CRPPA: variants seen among roughly 807,000 people sequenced by gnomAD.
CRPPA encodes the protein D-ribitol-5-phosphate cytidylyltransferase.
Under a neutral mutation model 52.0 loss-of-function variants are expected in CRPPA, and 43 were observed. That is an observed-to-expected ratio of 0.83 (90% CI 0.65 to 1.07). CRPPA has a LOEUF of 1.07. Ranked by LOEUF, CRPPA falls within the 50% of genes least tolerant of loss-of-function variation. The probability of loss-of-function intolerance (pLI) is 0.00; values close to 1 mark genes in which losing one functional copy is unlikely to be tolerated. For missense variants in CRPPA, 629 were observed against 551.7 expected, an observed-to-expected ratio of 1.14 and a Z score of -1.40; for synonymous variants, 250 against 203.5, an observed-to-expected ratio of 1.23 and a Z score of -1.94.
At chr7:16,144,398 G>A (rs1378519238) in intron 9 of CRPPA, among the ~76,000 whole-genome samples, 1 of 152,214 alleles carries the variant, frequency 6.6e-6, no homozygotes, top group Non-Finnish European at 1.5e-5. Flanking sequence ...GGAGCTGGGA[G>A]AAGTCATATG....
intron 3 of CRPPA, among the ~76,000 whole-genome samples, chr7:16,345,775 G>C (rs937383007): frequency 5.3e-5 from 8 of 152,068 alleles, no homozygotes; most frequent in African/African-American, 1.7e-4. Context: ...TTTTGAAGAG[G>C]TACAATTATC....
chr7:16,407,048 T>C (rs950186959), intron 1 of CRPPA, among the ~76,000 whole-genome samples: 1 of 152,214 alleles, frequency 6.6e-6, no homozygotes, highest in Non-Finnish European at 1.5e-5. Context: ...CCATCTCAGT[T>C]CACTGCAACC....
intron 9 of CRPPA, among the ~76,000 whole-genome samples, chr7:16,194,771 T>C (rs554589822): frequency 6.6e-6 from 1 of 151,968 alleles, no homozygotes; most frequent in South Asian, 2.1e-4. Context: ...GTAGGATCTA[T>C]ATTAATACTC....
At chr7:16,345,791 A>G (rs1241495105) in intron 3 of CRPPA, among the ~76,000 whole-genome samples, 1 of 152,238 alleles carries the variant, frequency 6.6e-6, no homozygotes, top group Admixed American at 6.5e-5. Flanking sequence ...TTATCTTTTT[A>G]TACATGGAAA....
At chr7:16,160,920 A>G (rs557880044) in intron 9 of CRPPA, among the ~76,000 whole-genome samples, 13 of 152,254 alleles carry the variant, frequency 8.5e-5, no homozygotes, top group African/African-American at 2.9e-4. Flanking sequence ...TTCTCTTTGC[A>G]GCAATTGTGA....
At chr7:16,249,388 G>A (rs1446204028) in intron 8 of CRPPA, among the ~76,000 whole-genome samples, 2 of 152,170 alleles carry the variant, frequency 1.3e-5, no homozygotes, top group Non-Finnish European at 2.9e-5. Flanking sequence ...ATAATGGACC[G>A]ACTGCCTGCT....
At chr7:16,387,044 GATATATATATATATATATATATATAT>G (rs57024916) in intron 2 of CRPPA, among the ~76,000 whole-genome samples, 10 of 96,020 alleles carry the variant, frequency 1.0e-4, no homozygotes, top group South Asian at 3.5e-4. Flanking sequence ...ATAAAAAAAA[GATATATATATATATATATATATATAT>G]ATATATATAT....
chr7:16,111,792 T>C (rs939953963), intron 9 of CRPPA, among the ~76,000 whole-genome samples: 3 of 152,272 alleles, frequency 2.0e-5, no homozygotes, highest in Non-Finnish European at 1.5e-5. Flanking sequence ...ACACAAGGTA[T>C]AGAAATCTCA....
At chr7:16,129,447 C>T (rs1254592449) in intron 9 of CRPPA, among the ~76,000 whole-genome samples, 2 of 152,018 alleles carry the variant, frequency 1.3e-5, no homozygotes, top group African/African-American at 2.4e-5. Flanking sequence ...TGATCTCCTG[C>T]GTTGGTCAAA....
intron 9 of CRPPA, among the ~76,000 whole-genome samples, chr7:16,101,106 A>T (rs1782034768): frequency 6.6e-6 from 1 of 152,128 alleles, no homozygotes; most frequent in Non-Finnish European, 1.5e-5. Context: ...TATTGGCCTG[A>T]GACACAACTT....
chr7:16,310,967 A>C (rs1312688875), intron 3 of CRPPA, among the ~76,000 whole-genome samples: 1 of 152,176 alleles, frequency 6.6e-6, no homozygotes, highest in Admixed American at 6.5e-5. Context: ...ACTTTTCCTC[A>C]CATTCAAAGT....
At chr7:16,217,092 C>G (rs1404505936) in intron 8 of CRPPA, among the ~76,000 whole-genome samples, 1 of 150,330 alleles carries the variant, frequency 6.7e-6, no homozygotes, top group African/African-American at 2.4e-5. Context: ...AGCTGGAGAT[C>G]TGAGAACGGG....
intron 4 of CRPPA, among the ~76,000 whole-genome samples, chr7:16,303,487 A>AAAC (rs1784835966): frequency 7.0e-6 from 1 of 142,928 alleles, no homozygotes; most frequent in African/African-American, 2.8e-5. Context: ...TAAAAAAAAA[A>AAAC]AAAAAAAAAA....
At chr7:16,113,603 T>A (rs764801131) in intron 9 of CRPPA, among the ~76,000 whole-genome samples, 11 of 151,922 alleles carry the variant, frequency 7.2e-5, no homozygotes, top group African/African-American at 9.7e-5. Flanking sequence ...TGGCAGCGTC[T>A]CTCCCAAAAA....
intron 5 of CRPPA, among the ~76,000 whole-genome samples, chr7:16,282,300 A>G (rs1009902618): frequency 6.6e-6 from 1 of 152,142 alleles, no homozygotes; most frequent in Non-Finnish European, 1.5e-5. Context: ...TTAGAATCAT[A>G]TTATTAGAAA....
chr7:16,400,649 G>C (rs1787790811), intron 2 of CRPPA, among the ~76,000 whole-genome samples: 1 of 152,168 alleles, frequency 6.6e-6, no homozygotes, highest in Admixed American at 6.5e-5. Context: ...TTTGACACGT[G>C]ACTGACACGT....
At chr7:16,401,519 T>G (rs1036050856) in intron 2 of CRPPA, among the ~76,000 whole-genome samples, 2 of 152,182 alleles carry the variant, frequency 1.3e-5, no homozygotes, top group Non-Finnish European at 2.9e-5. Context: ...AAGAAGGATA[T>G]ACCAGTAACT....
intron 3 of CRPPA, among the ~76,000 whole-genome samples, chr7:16,323,028 A>C (rs1346695230): frequency 6.6e-6 from 1 of 152,120 alleles, no homozygotes; most frequent in African/African-American, 2.4e-5. Flanking sequence ...GCATGGGGGA[A>C]CCGACCCTAT....
intron 9 of CRPPA, among the ~76,000 whole-genome samples, chr7:16,182,763 G>C (rs937637367): frequency 5.3e-5 from 8 of 152,152 alleles, no homozygotes; most frequent in Non-Finnish European, 1.0e-4. Flanking sequence ...TCCACCCAAA[G>C]TTTAATTATG....
Sources: gnomAD v4.1 joint callset for allele counts (sites outside exome capture counted in the v4.1 genomes callset) on GRCh38, gnomAD v4.1.1 for gene constraint, MANE v1.5 for transcripts, NCBI Gene and HGNC (gene_info 2026-07-23, HGNC 2026-07-21) for gene names.